AMZ1: variants seen among roughly 807,000 people sequenced by gnomAD.
AMZ1 encodes archaelysin family metallopeptidase 1, also known as archaemetzincin-1.
In AMZ1, 39 loss-of-function variants were observed where a neutral mutation model predicts 29.9. The observed-to-expected ratio is 1.30, with a 90% CI of 1.01 to 1.70. The LOEUF (loss-of-function observed/expected upper bound fraction) is 1.70. AMZ1 is among the 40% of genes most tolerant of loss of function. The pLI is 0.00. For synonymous variants in AMZ1, 458 were observed against 304.0 expected, an observed-to-expected ratio of 1.51 and a Z score of -5.27; for missense variants, 1,041 against 680.6, an observed-to-expected ratio of 1.53 and a Z score of -5.89.
chr7:2,696,492 C>CAAG (rs1562361228), intron 1 of AMZ1, among the ~76,000 whole-genome samples: 1 of 150,758 alleles, frequency 6.6e-6, no homozygotes, highest in Non-Finnish European at 1.5e-5. Flanking sequence ...CTCCTGACCT[C>CAAG]GTGATCTGCC....
intron 4 of AMZ1, among the ~76,000 whole-genome samples, chr7:2,737,274 G>GTTTTTT (rs1041056812): frequency 0.013 from 455 of 34,998 alleles, 38 homozygotes; most frequent in East Asian, 0.026. Context: ...GTTTTGTTTT[G>GTTTTTT]TTTTTTTTTT....
At chr7:2,745,113 A>G (rs1044205528) in intron 4 of AMZ1, among the ~76,000 whole-genome samples, 2 of 152,218 alleles carry the variant, frequency 1.3e-5, no homozygotes, top group East Asian at 1.9e-4. Context: ...TTATCCAGGA[A>G]AACTTCCCCA....
At chr7:2,755,296 C>A (rs1015456693) in intron 4 of AMZ1, among the ~76,000 whole-genome samples, 2 of 152,220 alleles carry the variant, frequency 1.3e-5, no homozygotes, top group Non-Finnish European at 2.9e-5. Context: ...TACAAAAGAT[C>A]TTGCTGCGAT....
intron 4 of AMZ1, among the ~76,000 whole-genome samples, chr7:2,757,662 A>G (rs1791367759): frequency 6.6e-6 from 1 of 152,216 alleles, no homozygotes; most frequent in South Asian, 2.1e-4. Context: ...GTGCCGTTTT[A>G]AGTTGCTAAT....
rs776135196 is a variant in AMZ1, at chr7:2,731,562, G to A, written n.550+21746G>A. ...CCTCCATGAGGACCTGGTCGTACTC[G>A]CTGGAGGAGACCATGAACAGGATGG... On this transcript the variant is annotated intron_variant and non_coding_transcript_variant, in intron 4 of 4. Transcript: ENST00000489665. The surrounding 1 kb of genome is among the most constrained non-coding windows in gnomAD (Gnocchi z 6.0). The A allele has an allele frequency of 3.7e-6, 6 of 1,612,514 alleles. No homozygotes were observed. The highest frequency in any genetic ancestry group is 3.3e-5 in the South Asian group (3 of 90,950).
intron 1 of AMZ1, among the ~76,000 whole-genome samples, chr7:2,690,260 C>T (rs189371095): frequency 6.6e-6 from 1 of 152,098 alleles, no homozygotes; most frequent in Non-Finnish European, 1.5e-5. Flanking sequence ...GCTCTGTCTT[C>T]CAGGCTGGAA....
intron 3 of AMZ1, among the ~76,000 whole-genome samples, chr7:2,703,941 T>G (rs1294628234): frequency 2.6e-5 from 4 of 152,176 alleles, no homozygotes; most frequent in Non-Finnish European, 4.4e-5. Flanking sequence ...CAGGCTGGAG[T>G]GCAGTGGTGC....
At chr7:2,687,461 A>C (rs1787125881), upstream of AMZ1, among the ~76,000 whole-genome samples, 1 of 152,152 alleles carries the variant, frequency 6.6e-6, no homozygotes, top group South Asian at 2.1e-4. Context: ...GCCCGAGGGA[A>C]GCTGGTGCTG....
chr7:2,687,348 C>T (rs1787121481), upstream of AMZ1, among the ~76,000 whole-genome samples: 1 of 151,814 alleles, frequency 6.6e-6, no homozygotes, highest in Non-Finnish European at 1.5e-5. Flanking sequence ...AAATTCTTTG[C>T]ACTGGTGTGG....
chr7:2,689,601 C>A (rs1350122427), intron 1 of AMZ1, among the ~76,000 whole-genome samples: 1 of 152,194 alleles, frequency 6.6e-6, no homozygotes, highest in Non-Finnish European at 1.5e-5. Flanking sequence ...CCCGCTGGCC[C>A]CCAGCTGTGT....
intron 4 of AMZ1, among the ~76,000 whole-genome samples, chr7:2,734,232 A>G (rs1790045021): frequency 6.6e-6 from 1 of 152,120 alleles, no homozygotes; most frequent in Admixed American, 6.6e-5. Flanking sequence ...GCACGGGAGG[A>G]GCCGGGAGAG....
intron 4 of AMZ1, among the ~76,000 whole-genome samples, chr7:2,741,542 C>T (rs1040082624): frequency 9.9e-5 from 15 of 152,130 alleles, no homozygotes; most frequent in Admixed American, 7.2e-4. Context: ...TTTGTAGTAG[C>T]CAGAACCCAA....
At chr7:2,688,332 G>T (rs1321324527) in intron 1 of AMZ1, 36 bp downstream of exon 1, 1 of 151,676 alleles carries the variant, frequency 6.6e-6, no homozygotes, top group Non-Finnish European at 1.5e-5. Context: ...GGGGGCGCAG[G>T]GACCGAGAGG....
At chr7:2,704,123 G>A (rs798464) in intron 3 of AMZ1, among the ~76,000 whole-genome samples, 3 of 152,018 alleles carry the variant, frequency 2.0e-5, no homozygotes, top group African/African-American at 7.2e-5. Flanking sequence ...TCTCCTGACC[G>A]CATGATCTGC....
At chr7:2,737,274 G>GTTTTGTTTTTTTTTTT (rs1790242698) in intron 4 of AMZ1, among the ~76,000 whole-genome samples, 1 of 35,046 alleles carries the variant, frequency 2.9e-5, no homozygotes, top group African/African-American at 9.9e-5. Context: ...GTTTTGTTTT[G>GTTTTGTTTTTTTTTTT]TTTTTTTTTT....
intron 4 of AMZ1, among the ~76,000 whole-genome samples, chr7:2,745,873 GTC>G (rs560537825): frequency 0.011 from 1,633 of 152,288 alleles, 33 homozygotes; most frequent in African/African-American, 0.037. Context: ...TGCAATCCTA[GTC>G]TCTGATAAAA....
chr7:2,721,040 C>A (rs1053569859), downstream of AMZ1, among the ~76,000 whole-genome samples: 1 of 152,354 alleles, frequency 6.6e-6, no homozygotes, highest in East Asian at 1.9e-4. Flanking sequence ...GGGCTGTCAT[C>A]GCTGGCTGCC....
intron 1 of AMZ1, among the ~76,000 whole-genome samples, chr7:2,683,135 T>A (rs1786946476): frequency 1.3e-5 from 2 of 152,186 alleles, no homozygotes; most frequent in African/African-American, 4.8e-5. Flanking sequence ...ATAAAACCCG[T>A]GTGAAGCATT....
At chr7:2,686,533 C>CA (rs908133878), upstream of AMZ1, among the ~76,000 whole-genome samples, 8 of 151,598 alleles carry the variant, frequency 5.3e-5, no homozygotes, top group African/African-American at 1.7e-4. Context: ...GATCCTGTCT[C>CA]AAAAAAAACT....
Sources: allele counts gnomAD v4.1 joint callset (sites outside exome capture counted in the v4.1 genomes callset), GRCh38; gene constraint gnomAD v4.1.1; non-coding constraint Gnocchi (gnomAD v3.1); transcripts MANE v1.5; gene names NCBI Gene and HGNC (gene_info 2026-07-23, HGNC 2026-07-21).